The following AVL9 variants were observed in gnomAD, a reference collection of about 807,000 sequenced individuals.
AVL9 encodes the protein AVL9 cell migration associated, also known as late secretory pathway protein AVL9 homolog.
A neutral mutation model predicts 79.2 loss-of-function variants in AVL9; 49 were observed. The observed-to-expected ratio is 0.62, with a 90% CI of 0.49 to 0.79. The LOEUF (loss-of-function observed/expected upper bound fraction) is 0.79. Ranked by LOEUF, AVL9 falls within the 30% of genes least tolerant of loss-of-function variation. The pLI is 0.00. For synonymous variants in AVL9, 299 were observed against 280.6 expected, an observed-to-expected ratio of 1.07 and a Z score of -0.65; for missense variants, 682 against 776.8, an observed-to-expected ratio of 0.88 and a Z score of 1.45.
intron 1 of AVL9, among the ~76,000 whole-genome samples, chr7:32,510,471 A>C (rs1250092494): frequency 6.8e-6 from 1 of 147,170 alleles, no homozygotes; most frequent in Non-Finnish European, 1.5e-5. Context: ...CCATCTCTCC[A>C]GGGTGAGATT....
At chr7:32,555,856 C>T (rs561407997) in intron 8 of AVL9, among the ~76,000 whole-genome samples, 2 of 152,244 alleles carry the variant, frequency 1.3e-5, no homozygotes, top group South Asian at 4.1e-4. Context: ...TCCTTTGACC[C>T]AGTAATTCTC....
In AVL9 at chr7:32,559,095, A is replaced by G; in HGVS notation, c.846A>G (p.Ala282=). The G allele has an allele frequency of 6.2e-7, 1 of 1,614,116 alleles. No homozygotes were observed. ...TGGGAACTATCAGGAAAGTCATGGC[A>G]GGAAACCATGGAGAAGATGCTGCCA... The part of the protein sequence containing the change: ...TNLGTIRKVM[A]GNHGEDAAMK... Residue 282 remains alanine (A), a synonymous_variant, in exon 10 of 16, where the codon GCA becomes GCG. Transcript: ENST00000318709.
At chr7:32,527,530 G>A (rs1033504753) in intron 1 of AVL9, among the ~76,000 whole-genome samples, 3 of 144,150 alleles carry the variant, frequency 2.1e-5, no homozygotes, top group Non-Finnish European at 4.6e-5. Context: ...TTTTTTGATT[G>A]TTGGCTTTCT....
rs931058819 is a variant in AVL9 at position 32,530,824 on chromosome 7, C to T, written c.94-12317C>T. 5.1e-4 allele frequency among the ~76,000 whole-genome samples: 77 copies of T among 152,204 alleles called. 1 individual carries two copies. Among genetic ancestry groups the T allele is most frequent in the African/African-American group, 1.8e-3 (74 of 41,548 alleles). Reference sequence around the variant, plus strand: ...CATAAAAATTAGCTGGGCATGGTGGCATGTGCCTGTGGTCCTGGCTACTCA... The same window carrying T: ...CATAAAAATTAGCTGGGCATGGTGGTATGTGCCTGTGGTCCTGGCTACTCA... On this transcript the variant is annotated intron_variant, in intron 1 of 15. Coordinates refer to ENST00000318709, the MANE Select transcript of AVL9 (RefSeq NM_015060.3).
At chr7:32,568,117 G>C (rs1336993630) in intron 10 of AVL9, among the ~76,000 whole-genome samples, 1 of 149,940 alleles carries the variant, frequency 6.7e-6, no homozygotes, top group Non-Finnish European at 1.5e-5. Context: ...CTCCCACTTT[G>C]GCCTCTCAAA....
At chr7:32,530,447 A>G (rs1356672388) in intron 1 of AVL9, among the ~76,000 whole-genome samples, 1 of 152,224 alleles carries the variant, frequency 6.6e-6, no homozygotes, top group Admixed American at 6.5e-5. Flanking sequence ...TCTAAGTTGT[A>G]TATCTGCAAA....
chr7:32,546,843 A>G (rs542647355), intron 3 of AVL9, among the ~76,000 whole-genome samples: 1 of 151,560 alleles, frequency 6.6e-6, no homozygotes, highest in South Asian at 2.1e-4. Context: ...AAAATAAAAA[A>G]TAAAAAGATA....
At chr7:32,517,442 A>C (rs1172991742) in intron 1 of AVL9, among the ~76,000 whole-genome samples, 1 of 151,632 alleles carries the variant, frequency 6.6e-6, no homozygotes, top group Non-Finnish European at 1.5e-5. Flanking sequence ...AGTAGCTGGG[A>C]TTACAGGTGC....
chr7:32,538,519 ATTC>A (rs1486703597), intron 1 of AVL9: 1 of 152,088 alleles, frequency 6.6e-6, no homozygotes, highest in Non-Finnish European at 1.5e-5. Context: ...GGTTGTTCAT[ATTC>A]TTTTAACTTT....
In AVL9 at chr7:32,586,992, C is replaced by T. The variant is rs772426740; in HGVS notation, c.*3085C>T. On this transcript the variant is annotated 3_prime_UTR_variant, in exon 16 of 16. Coordinates refer to ENST00000318709, the MANE Select transcript of AVL9 (RefSeq NM_015060.3). ...CAAATCCATTAGTGATTCACTACCC[C>T]CCGCCAAGCACAGCCCTAAAACAAT... 1 of 152,296 alleles carries T rather than the reference C, an allele frequency of 6.6e-6. No individual in the cohort carries two copies. Among genetic ancestry groups the T allele is most frequent in the South Asian group, 2.1e-4 (1 of 4,834 alleles). 9.4% of individuals were successfully genotyped at this position (152,296 alleles called of 1,614,324 possible).
rs1239792945 is a variant in AVL9, at chr7:32,585,223, TAAAAG to T, written c.*1322_*1326del. 2 of 152,160 alleles carry T rather than the reference TAAAAG, an allele frequency of 1.3e-5. No individual in the cohort carries two copies. Among genetic ancestry groups the T allele is most frequent in the African/African-American group, 2.4e-5 (1 of 41,442 alleles). The allele number at this position is 152,160 out of a possible 1,614,324, so 9.4% of individuals were successfully genotyped here. ...TCCCTACCCCCTTCTAGAAGTATCT[TAAAAG>T]AAAAGCAAGGTGATTGTAAGTATTA... On this transcript the variant is annotated 3_prime_UTR_variant, in exon 16 of 16. Transcript: ENST00000318709.
intron 8 of AVL9, among the ~76,000 whole-genome samples, chr7:32,555,754 C>G (rs141525882): frequency 1.3e-5 from 2 of 152,110 alleles, no homozygotes; most frequent in Non-Finnish European, 2.9e-5. Flanking sequence ...TTTTATACAC[C>G]GTATTACTGT....
At chr7:32,514,972 CAA>C (rs1787846288) in intron 1 of AVL9, among the ~76,000 whole-genome samples, 1 of 152,180 alleles carries the variant, frequency 6.6e-6, no homozygotes, top group Non-Finnish European at 1.5e-5. Flanking sequence ...AGGGTTGGGA[CAA>C]GAGTTACAGA....
At chr7:32,495,941 A>T in intron 1 of AVL9, 139 bp downstream of exon 1, 2 of 486,506 alleles carry the variant, frequency 4.1e-6, no homozygotes, top group African/African-American at 4.0e-5. Context: ...TCTCAACCTG[A>T]CTCCTTTTGC....
At chr7:32,504,242 A>T (rs1787310978) in intron 1 of AVL9, among the ~76,000 whole-genome samples, 1 of 152,304 alleles carries the variant, frequency 6.6e-6, no homozygotes. Flanking sequence ...TGATTTGATC[A>T]TTTGTTGGGA....
chr7:32,574,612 A>C (rs1050045769), intron 12 of AVL9, among the ~76,000 whole-genome samples: 32 of 152,260 alleles, frequency 2.1e-4, no homozygotes, highest in Middle Eastern at 3.4e-3. Context: ...TGCAGGGACC[A>C]GTGTTCTGAG....
rs1791867539 is a variant in AVL9, at chr7:32,587,939, G to A, written c.*4032G>A. The A allele has an allele frequency of 6.6e-6, 1 of 152,152 alleles. No homozygotes were observed. The highest frequency in any genetic ancestry group is 1.5e-5 in the Non-Finnish European group (1 of 68,024). 9.4% of individuals were successfully genotyped at this position (152,152 alleles called of 1,614,324 possible). A position where few individuals can be genotyped will look rare whatever the true frequency, so the allele number is the denominator to read the frequency against. ...TTCCTGCTTTCATTATGAAGGAGGG[G>A]AAACTAGTTCCCTTGTATGGTAACT... On this transcript the variant is annotated 3_prime_UTR_variant, in exon 16 of 16. Coordinates refer to ENST00000318709, the MANE Select transcript of AVL9 (RefSeq NM_015060.3).
intron 3 of AVL9, among the ~76,000 whole-genome samples, chr7:32,546,347 G>T (rs1441501351): frequency 6.6e-6 from 1 of 152,042 alleles, no homozygotes; most frequent in East Asian, 1.9e-4. Flanking sequence ...GTAAATTCCA[G>T]GATACCCAAA....
At chr7:32,550,971 C>T (rs1414731921) in intron 4 of AVL9, among the ~76,000 whole-genome samples, 1 of 152,090 alleles carries the variant, frequency 6.6e-6, no homozygotes, top group Non-Finnish European at 1.5e-5. Context: ...AGTGCTTTTA[C>T]CTGTTATTTA....
Sources: gnomAD v4.1 joint callset for allele counts (sites outside exome capture counted in the v4.1 genomes callset) on GRCh38, gnomAD v4.1.1 for gene constraint, MANE v1.5 for transcripts, NCBI Gene and HGNC (gene_info 2026-07-23, HGNC 2026-07-21) for gene names.